Variants in PSMC1 observed in about 807,000 individuals in gnomAD.
PSMC1 encodes the protein 26S proteasome regulatory subunit 4.
A neutral mutation model predicts 49.8 loss-of-function variants in PSMC1; 5 were observed. The observed-to-expected ratio is 0.10, with a 90% CI of 0.05 to 0.21. PSMC1 has a LOEUF of 0.21. Ranked by LOEUF, PSMC1 falls within the 10% of genes least tolerant of loss-of-function variation. PSMC1 has a pLI of 1.00. For missense variants in PSMC1, 181 were observed against 535.7 expected (o/e 0.34, Z 6.54); for synonymous variants, 155 against 192.1 (o/e 0.81, Z 1.60).
At chr14:90,257,049 A>G (rs917700945) in intron 1 of PSMC1, among the ~76,000 whole-genome samples, 2 of 152,112 alleles carry the variant, frequency 1.3e-5, no homozygotes, top group African/African-American at 2.4e-5. Context: ...GGAGTCGTGG[A>G]AGGCCTTTCG....
At chr14:90,267,673 T>C (rs1430520050) in intron 7 of PSMC1, 3 of 152,488 alleles carry the variant, frequency 2.0e-5, no homozygotes, top group Admixed American at 2.0e-4. Context: ...TCTGGAGCAG[T>C]AGGCACTGCA....
rs1487403197 is a variant in PSMC1 at position 90,274,787 on chromosome 14, T to TTACACACAC, written c.*2380_*2381insTACACACAC. The TTACACACAC allele has an allele frequency of 9.0e-6, 1 of 110,908 alleles. No individual in the cohort carries two copies. Among genetic ancestry groups the TTACACACAC allele is most frequent in the African/African-American group, 3.2e-5 (1 of 31,734 alleles). The allele number at this position is 110,908 out of a possible 1,614,324, so 6.9% of individuals were successfully genotyped here. A position where few individuals can be genotyped will look rare whatever the true frequency, so the allele number is the denominator to read the frequency against. ...CAGTATAGCCCTTTAAATAGGGAAC[T>TTACACACAC]ACACACACACACACACACACACACA... On this transcript the variant is annotated 3_prime_UTR_variant, in exon 11 of 11. Transcript: ENST00000261303.
chr14:90,263,495 A>G, intron 4 of PSMC1, 53 bp downstream of exon 4: 1 of 1,506,906 alleles, frequency 6.6e-7, no homozygotes, highest in Non-Finnish European at 9.0e-7. Context: ...ATTCTATAAA[A>G]TTGTCAACAA....
chr14:90,260,503 G>A (rs759031938), intron 3 of PSMC1, among the ~76,000 whole-genome samples: 43 of 152,180 alleles, frequency 2.8e-4, no homozygotes, highest in African/African-American at 1.0e-3. Flanking sequence ...AGGCCGAGGC[G>A]GGCGGATCAC....
rs182540258 is a variant in PSMC1, at chr14:90,269,702, G to A, written c.1033+154G>A. Reference sequence around the variant, plus strand: ...AAAAAAATAGGTCCTCTTGAGATGAGGGTTAAAACAGAGCATGATATGGTC... The same window carrying A: ...AAAAAAATAGGTCCTCTTGAGATGAAGGTTAAAACAGAGCATGATATGGTC... On this transcript the variant is annotated intron_variant, in intron 9 of 10. Transcript: ENST00000261303. 6 of 745,656 alleles carry A rather than the reference G, an allele frequency of 8.0e-6. No homozygotes were observed. The African/African-American group carries it at 9.2e-5, about 11-fold the overall frequency. The allele number at this position is 745,656 out of a possible 1,614,324, so 46.2% of individuals were successfully genotyped here.
chr14:90,261,316 A>G (rs754366479), intron 3 of PSMC1, among the ~76,000 whole-genome samples: 109 of 152,242 alleles, frequency 7.2e-4, no homozygotes, highest in Non-Finnish European at 1.3e-3. Flanking sequence ...CCTGCTTAGA[A>G]GAAAAAACTA....
Position 90,265,158 on chromosome 14 carries a change from C to G in PSMC1, c.683C>G (p.Pro228Arg). The G allele has an allele frequency of 6.2e-7, 1 of 1,609,898 alleles. No individual in the cohort carries two copies. The highest frequency in any genetic ancestry group is 8.5e-7 in the Non-Finnish European group (1 of 1,176,948). ...AAGGGGGTCATTCTCTATGGTCCAC[C>G]TGGCACAGGTATGCTCTGTTTTTGA... is the stretch of plus-strand genomic sequence containing the variant. Reference protein sequence around the residue: ...PPKGVILYGPPGTGKTLLAKA... With the variant: ...PPKGVILYGPRGTGKTLLAKA... Residue 228 changes from proline to arginine, a missense_variant, in exon 7 of 11, where the codon CCT becomes CGT. By Grantham distance (103) the Pro-to-Arg change is moderately radical. Around this residue, in one of 3 missense-constraint regions of PSMC1, gnomAD observed 121 missense variants for 358.6 expected, o/e 0.34. Coordinates refer to ENST00000261303, the MANE Select transcript of PSMC1 (RefSeq NM_002802.3).
intron 3 of PSMC1, among the ~76,000 whole-genome samples, chr14:90,260,674 G>A (rs961288358): frequency 6.6e-6 from 1 of 152,186 alleles, no homozygotes; most frequent in Non-Finnish European, 1.5e-5. Context: ...GGAGCTTGCA[G>A]TGAGCTGAGA....
intron 3 of PSMC1, among the ~76,000 whole-genome samples, chr14:90,262,645 G>A (rs1260202833): frequency 3.9e-5 from 6 of 152,040 alleles, no homozygotes; most frequent in African/African-American, 9.7e-5. Context: ...TTAGCTGGGC[G>A]TGGTGGCACA....
At chr14:90,264,901 G>T (rs181793872) in intron 6 of PSMC1, among the ~76,000 whole-genome samples, 169 bp from the exon 7 acceptor site, 1 of 152,322 alleles carries the variant, frequency 6.6e-6, no homozygotes, top group African/African-American at 2.4e-5. Flanking sequence ...CAGGACAGGT[G>T]TCATCTTCAG....
intron 1 of PSMC1, among the ~76,000 whole-genome samples, chr14:90,258,612 A>C (rs1224484680): frequency 6.6e-6 from 1 of 152,254 alleles, no homozygotes; most frequent in Non-Finnish European, 1.5e-5. Context: ...ATTGAGAAGA[A>C]AGACCTGCCC....
intron 3 of PSMC1, among the ~76,000 whole-genome samples, chr14:90,262,611 C>T (rs1031080961): frequency 1.3e-5 from 2 of 152,030 alleles, no homozygotes; most frequent in African/African-American, 2.4e-5. Flanking sequence ...GTTGAAACCC[C>T]GTCTCTGCTA....
chr14:90,260,460 G>A (rs984262514), intron 3 of PSMC1, among the ~76,000 whole-genome samples: 5 of 152,292 alleles, frequency 3.3e-5, no homozygotes, highest in Middle Eastern at 3.4e-3. Flanking sequence ...GGCGGGGTGC[G>A]GTGGTTCACG....
In PSMC1 at chr14:90,269,255, C is replaced by T. The variant is rs528759429; in HGVS notation, c.882-142C>T. 116 of 700,360 alleles carry T rather than the reference C, an allele frequency of 1.7e-4. 2 individuals carry two copies. The highest frequency in any genetic ancestry group is 1.3e-3 in the South Asian group (64 of 48,950). The allele number at this position is 700,360 out of a possible 1,614,324, so 43.4% of individuals were successfully genotyped here. ...CAAGGGGTGCTGAATTTATTTTTTC[C>T]GAGCATAATTGAGGGAGTGCCATGT... On this transcript the variant is annotated intron_variant, in intron 8 of 10. Transcript: ENST00000261303.
chr14:90,263,956 A>G, intron 5 of PSMC1, 85 bp from the exon 6 acceptor site: 3 of 1,578,620 alleles, frequency 1.9e-6, no homozygotes, highest in Non-Finnish European at 2.6e-6. Flanking sequence ...CTCAGGCAGA[A>G]GGATGCCATG....
intron 6 of PSMC1, 105 bp downstream of exon 6, chr14:90,264,274 C>T: frequency 6.7e-7 from 1 of 1,482,316 alleles, no homozygotes; most frequent in Non-Finnish European, 9.1e-7. Flanking sequence ...ATTAATCAAA[C>T]CAGTAGCTGA....
Position 90,263,428 on chromosome 14 carries a change from G to A in PSMC1, c.265G>A (p.Glu89Lys). The A allele has an allele frequency of 6.3e-7, 1 of 1,579,052 alleles. No homozygotes were observed. Among genetic ancestry groups the A allele is most frequent in the Non-Finnish European group, 8.6e-7 (1 of 1,167,766 alleles). Residue 89 changes from glutamate (E) to lysine (K), a missense_variant, in exon 4 of 11, where the codon GAA becomes AAA. By Grantham distance (56) the Glu-to-Lys change is moderately conservative. This residue lies in a region of PSMC1 where 121 missense variants were observed against 358.6 expected (regional missense o/e 0.34). Transcript: ENST00000261303. ...AAATCAGGAACAAATGAAACCATTA[G>A]AAGAAAAGCAAGAGGTAAGTTGAAA... ...IRNQEQMKPL[E>K]EKQEEERSKV...
At chr14:90,263,878 C>A in intron 5 of PSMC1, 31 bp downstream of exon 5, 1 of 1,611,382 alleles carries the variant, frequency 6.2e-7, no homozygotes, top group Non-Finnish European at 8.5e-7. Flanking sequence ...AGAAAGCCCA[C>A]GGAAGTGCTT....
chr14:90,257,576 G>A (rs1222630116), intron 1 of PSMC1, among the ~76,000 whole-genome samples: 1 of 152,142 alleles, frequency 6.6e-6, no homozygotes, highest in Non-Finnish European at 1.5e-5. Flanking sequence ...CGGCAAGAAG[G>A]CCAGATCTCA....
Sources: gnomAD v4.1 joint callset for allele counts (sites outside exome capture counted in the v4.1 genomes callset) on GRCh38, gnomAD v4.1.1 for gene constraint, gnomAD v4.1.1 regional missense constraint, MANE v1.5 for transcripts, NCBI Gene and HGNC (gene_info 2026-07-23, HGNC 2026-07-21) for gene names.